GDPD5: variants seen among roughly 807,000 people sequenced by gnomAD.
GDPD5 encodes glycerophosphodiester phosphodiesterase domain containing 5, also known as glycerophosphodiester phosphodiesterase 2.
In GDPD5, 48 loss-of-function variants were observed where a neutral mutation model predicts 75.1. The observed-to-expected ratio is 0.64, with a 90% CI of 0.51 to 0.81. The LOEUF (loss-of-function observed/expected upper bound fraction) is 0.81, where lower values mean the gene tolerates loss of function less well. Ranked by LOEUF, GDPD5 falls within the 40% of genes least tolerant of loss-of-function variation. The pLI is 0.00. For missense variants in GDPD5, 706 were observed against 822.6 expected (o/e 0.86, Z 1.73); for synonymous variants, 336 against 339.0 (o/e 0.99, Z 0.10).
chr11:75,456,958 G>A, intron 5 of GDPD5, 142 bp from the exon 6 acceptor site: 1 of 763,674 alleles, frequency 1.3e-6, no homozygotes, highest in Non-Finnish European at 2.3e-6. Flanking sequence ...CGATGGGAAT[G>A]CGCTGCCCTC....
chr11:75,455,273 G>C (rs1211421260), intron 6 of GDPD5: 2 of 454,738 alleles, frequency 4.4e-6, no homozygotes, highest in African/African-American at 4.0e-5. Flanking sequence ...GGTGCCAGCT[G>C]GTGCAGTTCT....
intron 3 of GDPD5, among the ~76,000 whole-genome samples, chr11:75,465,597 C>T (rs1357196778): frequency 1.3e-5 from 2 of 152,214 alleles, no homozygotes; most frequent in African/African-American, 4.8e-5. Flanking sequence ...CACCCTTTCT[C>T]CTACCCTGGC....
chr11:75,473,984 T>C (rs1949727934), intron 3 of GDPD5, among the ~76,000 whole-genome samples: 1 of 152,104 alleles, frequency 6.6e-6, no homozygotes, highest in African/African-American at 2.4e-5. Context: ...CTGATATACT[T>C]ATGACCCCAG....
chr11:75,500,947 G>A (rs578059472), intron 1 of GDPD5, among the ~76,000 whole-genome samples: 2 of 152,278 alleles, frequency 1.3e-5, no homozygotes, highest in South Asian at 4.2e-4. Context: ...GCAGGCCTGG[G>A]CATGCCTTCA....
At chr11:75,486,500 A>T (rs1188245161) in intron 2 of GDPD5, among the ~76,000 whole-genome samples, 9 of 152,220 alleles carry the variant, frequency 5.9e-5, no homozygotes, top group Admixed American at 5.9e-4. Context: ...CCCTTACAGT[A>T]AAATGCCAGG....
intron 3 of GDPD5, among the ~76,000 whole-genome samples, chr11:75,475,230 G>C (rs548442593): frequency 6.6e-6 from 1 of 152,168 alleles, no homozygotes; most frequent in Non-Finnish European, 1.5e-5. Flanking sequence ...CAGGGAGATC[G>C]GGTTTCACAG....
intron 2 of GDPD5, among the ~76,000 whole-genome samples, chr11:75,489,961 T>C (rs1045065069): frequency 6.6e-6 from 1 of 152,196 alleles, no homozygotes; most frequent in African/African-American, 2.4e-5. Context: ...AGTTTCTAAA[T>C]GCCTTTATAC....
At chr11:75,457,529 T>C (rs1414689785) in intron 5 of GDPD5, among the ~76,000 whole-genome samples, 164 bp downstream of exon 5, 2 of 152,276 alleles carry the variant, frequency 1.3e-5, no homozygotes, top group African/African-American at 2.4e-5. Flanking sequence ...TATCTTTCTG[T>C]ATTTTTGATT....
intron 2 of GDPD5, among the ~76,000 whole-genome samples, chr11:75,486,437 G>A (rs1309507481): frequency 6.6e-6 from 1 of 152,192 alleles, no homozygotes; most frequent in Non-Finnish European, 1.5e-5. Context: ...AGGGATTAAG[G>A]TGTAGGTACA....
intron 1 of GDPD5, among the ~76,000 whole-genome samples, chr11:75,524,788 G>A (rs75560619): frequency 6.6e-6 from 1 of 152,088 alleles, no homozygotes; most frequent in Non-Finnish European, 1.5e-5. Flanking sequence ...CCTCGCGGGT[G>A]ACATGGCCAG....
intron 2 of GDPD5, among the ~76,000 whole-genome samples, chr11:75,486,571 C>T (rs771619917): frequency 8.5e-5 from 13 of 152,176 alleles, no homozygotes; most frequent in Non-Finnish European, 1.6e-4. Flanking sequence ...TGGAGCAGGA[C>T]CAGGGCCTTT....
At chr11:75,512,281 G>GACACACACACACAC (rs145862089) in intron 1 of GDPD5, among the ~76,000 whole-genome samples, 11,321 of 122,968 alleles carry the variant, frequency 0.092, 931 homozygotes, top group Middle Eastern at 0.17. Flanking sequence ...AATTGGGAAG[G>GACACACACACACAC]ACACACACAC....
chr11:75,456,593 G>C (rs941999873), intron 6 of GDPD5, 164 bp downstream of exon 6: 9 of 639,032 alleles, frequency 1.4e-5, no homozygotes, highest in African/African-American at 1.3e-4. Flanking sequence ...AGACGGGTGA[G>C]GTTGTGAGAA....
chr11:75,508,605 A>C (rs1325638740), intron 1 of GDPD5, among the ~76,000 whole-genome samples: 2 of 152,182 alleles, frequency 1.3e-5, no homozygotes. Flanking sequence ...ACGTTTGTTC[A>C]CTGGGATCTT....
intron 1 of GDPD5, among the ~76,000 whole-genome samples, chr11:75,492,754 C>T (rs1053109797): frequency 1.1e-4 from 16 of 152,120 alleles, no homozygotes; most frequent in African/African-American, 3.6e-4. Flanking sequence ...ATTTTTGAGA[C>T]GGAGTTTCGC....
chr11:75,490,134 A>C (rs190120627), intron 2 of GDPD5, 103 bp downstream of exon 2: 1 of 151,972 alleles, frequency 6.6e-6, no homozygotes, highest in Non-Finnish European at 1.5e-5. Flanking sequence ...TGCCTTTTTC[A>C]TAAACTCCCC....
chr11:75,494,804 T>C (rs1424496840), intron 1 of GDPD5, among the ~76,000 whole-genome samples: 1 of 151,594 alleles, frequency 6.6e-6, no homozygotes, highest in East Asian at 2.0e-4. Context: ...ATAAAAAAAA[T>C]AGCTGGGCGT....
At chr11:75,463,599 C>T (rs1949460327) in intron 3 of GDPD5, among the ~76,000 whole-genome samples, 1 of 152,138 alleles carries the variant, frequency 6.6e-6, no homozygotes, top group South Asian at 2.1e-4. Flanking sequence ...ATCCTGCATC[C>T]CGGGAAACTG....
At chr11:75,510,820 G>A (rs1051419934) in intron 1 of GDPD5, among the ~76,000 whole-genome samples, 1 of 151,624 alleles carries the variant, frequency 6.6e-6, no homozygotes, top group African/African-American at 2.4e-5. Flanking sequence ...TGTGCACTCT[G>A]CCCAGGGTAA....
Sources: allele counts gnomAD v4.1 joint callset (sites outside exome capture counted in the v4.1 genomes callset), GRCh38; gene constraint gnomAD v4.1.1; transcripts MANE v1.5; gene names NCBI Gene and HGNC (gene_info 2026-07-23, HGNC 2026-07-21).